Variants in NRG3 observed in about 807,000 individuals in gnomAD.
NRG3 encodes neuregulin 3.
Under a neutral mutation model 66.9 loss-of-function variants are expected in NRG3, and 31 were observed. That is an observed-to-expected ratio of 0.46 (90% CI 0.35 to 0.63). The LOEUF is 0.63. Among genes scored for constraint, NRG3 ranks in the 20% least tolerant of loss-of-function variants. The probability of loss-of-function intolerance (pLI) is 0.00; values close to 1 mark genes in which losing one functional copy is unlikely to be tolerated. For synonymous variants in NRG3, 393 were observed against 359.4 expected, an observed-to-expected ratio of 1.09 and a Z score of -1.06; for missense variants, 910 against 878.9, an observed-to-expected ratio of 1.04 and a Z score of -0.45.
At chr10:81,889,660 G>A (rs1842874181) in intron 1 of NRG3, 1 of 152,134 alleles carries the variant, frequency 6.6e-6, no homozygotes, top group Non-Finnish European at 1.5e-5. Context: ...ATTTTTCACT[G>A]ATCAGGTAAT....
intron 2 of NRG3, among the ~76,000 whole-genome samples, chr10:82,388,115 A>G (rs943824737): frequency 6.6e-6 from 1 of 152,166 alleles, no homozygotes; most frequent in Non-Finnish European, 1.5e-5. Flanking sequence ...TGATTCCACA[A>G]CACAATTACT....
chr10:82,074,832 G>A (rs1266971308), intron 1 of NRG3, among the ~76,000 whole-genome samples: 2 of 152,140 alleles, frequency 1.3e-5, no homozygotes, highest in Non-Finnish European at 2.9e-5. Flanking sequence ...GCTAGACCCT[G>A]TCCCCTCCCA....
chr10:82,666,062 A>G (rs2052753431), intron 2 of NRG3, among the ~76,000 whole-genome samples: 1 of 152,150 alleles, frequency 6.6e-6, no homozygotes, highest in African/African-American at 2.4e-5. Flanking sequence ...GGGTTTCGCC[A>G]GGCTGGTCAG....
At chr10:82,176,904 CAA>C (rs1491482243) in intron 1 of NRG3, among the ~76,000 whole-genome samples, 5 of 150,864 alleles carry the variant, frequency 3.3e-5, no homozygotes, top group Admixed American at 6.6e-5. Context: ...CACACACACA[CAA>C]ACACACACAC....
intron 1 of NRG3, among the ~76,000 whole-genome samples, chr10:81,963,151 T>TTTTTTTTTG (rs745834169): frequency 8.9e-5 from 12 of 135,452 alleles, no homozygotes; most frequent in African/African-American, 3.3e-4. Context: ...TTTTTTTTTT[T>TTTTTTTTTG]GAGACGGAGT....
intron 2 of NRG3, among the ~76,000 whole-genome samples, chr10:82,678,753 G>GT (rs113704348): frequency 0.025 from 3,738 of 151,398 alleles, 183 homozygotes; most frequent in African/African-American, 0.086. Context: ...CATTACCAGA[G>GT]TTTTTTTTTG....
At chr10:81,969,772 AGTGTGTGT>A (rs151308270) in intron 1 of NRG3, among the ~76,000 whole-genome samples, 142 of 144,994 alleles carry the variant, frequency 9.8e-4, no homozygotes, top group African/African-American at 3.1e-3. Context: ...GGACATTTTG[AGTGTGTGT>A]GTGTGTGTGT....
At chr10:82,281,642 A>T (rs975325557) in intron 1 of NRG3, among the ~76,000 whole-genome samples, 1 of 152,136 alleles carries the variant, frequency 6.6e-6, no homozygotes, top group Non-Finnish European at 1.5e-5. Flanking sequence ...TTGAGTCCTG[A>T]CAGTGAATCT....
chr10:82,166,903 C>T, intron 1 of NRG3: 1 of 548,006 alleles, frequency 1.8e-6, no homozygotes, highest in South Asian at 2.5e-5. Flanking sequence ...TTATTCCCTC[C>T]TTGGTATTTT....
intron 1 of NRG3, among the ~76,000 whole-genome samples, chr10:82,186,473 A>G (rs1402411789): frequency 1.3e-5 from 2 of 152,178 alleles, no homozygotes; most frequent in African/African-American, 4.8e-5. Flanking sequence ...ACTGAGGTCC[A>G]CTTCCACTAA....
intron 1 of NRG3, among the ~76,000 whole-genome samples, chr10:81,992,197 AT>A (rs1479309933): frequency 1.5e-4 from 23 of 152,210 alleles, no homozygotes; most frequent in African/African-American, 5.5e-4. Flanking sequence ...AAAAAATAAA[AT>A]TATTTTTTTC....
intron 1 of NRG3, among the ~76,000 whole-genome samples, chr10:81,968,629 C>A (rs747754734): frequency 2.6e-5 from 4 of 152,180 alleles, no homozygotes; most frequent in Non-Finnish European, 5.9e-5. Flanking sequence ...ATAGAGCATA[C>A]TTTATTTAAC....
chr10:82,761,936 CTT>C (rs750248932), intron 3 of NRG3, among the ~76,000 whole-genome samples: 1 of 126,036 alleles, frequency 7.9e-6, no homozygotes, highest in African/African-American at 3.0e-5. Flanking sequence ...TTCTTTCTTT[CTT>C]TCTTTCTTTC....
intron 4 of NRG3, among the ~76,000 whole-genome samples, chr10:82,939,314 T>C (rs554043650): frequency 6.6e-6 from 1 of 152,186 alleles, no homozygotes. Context: ...TAAACTGTTA[T>C]TTACCCTTAA....
intron 1 of NRG3, among the ~76,000 whole-genome samples, chr10:82,120,696 T>C (rs1281668193): frequency 1.3e-5 from 2 of 152,148 alleles, no homozygotes; most frequent in Non-Finnish European, 2.9e-5. Flanking sequence ...AGGGACCAAA[T>C]TGCACAGAAA....
chr10:82,144,029 T>TA lies in NRG3; in HGVS notation c.824-214696dup, dbSNP rs558793877. On this transcript the variant is annotated intron_variant, in intron 1 of 8. Coordinates refer to ENST00000372141, the MANE Select transcript of NRG3 (RefSeq NM_001010848.4). ...TGGGCATCAGAGTGAGACTTTGTCTTAAAAAAAAAAAAAAGAAAAGAAAAA... is the reference window on the plus strand; with the variant it reads ...TGGGCATCAGAGTGAGACTTTGTCTTAAAAAAAAAAAAAAAGAAAAGAAAAA... 4.6e-3 allele frequency among the ~76,000 whole-genome samples: 489 copies of TA among 107,006 alleles called. 1 individual carries two copies. The highest frequency in any genetic ancestry group is 7.4e-3 in the African/African-American group (211 of 28,490). The allele number at this position is 107,006 out of a possible 152,430, so 70.2% of individuals were successfully genotyped here.
chr10:82,448,416 C>T (rs1186345083), intron 2 of NRG3, among the ~76,000 whole-genome samples: 1 of 152,184 alleles, frequency 6.6e-6, no homozygotes, highest in Non-Finnish European at 1.5e-5. Context: ...AAGTTCTCTG[C>T]ATACATTTAC....
At chr10:82,952,439 A>AT (rs1213589386) in intron 5 of NRG3, among the ~76,000 whole-genome samples, 1 of 148,642 alleles carries the variant, frequency 6.7e-6, no homozygotes, top group Admixed American at 6.8e-5. Flanking sequence ...AAAAAAAAAA[A>AT]AGTAGATATA....
intron 6 of NRG3, among the ~76,000 whole-genome samples, chr10:82,970,246 C>G (rs1309441307): frequency 6.6e-6 from 1 of 152,152 alleles, no homozygotes; most frequent in Admixed American, 6.6e-5. Flanking sequence ...CAAGTTAGCA[C>G]CACGGCTACT....
Sources: allele counts gnomAD v4.1 joint callset (sites outside exome capture counted in the v4.1 genomes callset), GRCh38; gene constraint gnomAD v4.1.1; transcripts MANE v1.5; gene names NCBI Gene and HGNC (gene_info 2026-07-23, HGNC 2026-07-21).